ARG1: variants seen among roughly 807,000 people sequenced by gnomAD.
The protein encoded by ARG1 is arginase-1.
A neutral mutation model predicts 33.0 loss-of-function variants in ARG1; 20 were observed. The observed-to-expected ratio is 0.61, with a 90% confidence interval of 0.43 to 0.88. The LOEUF is 0.88. ARG1 is among the 40% of genes least tolerant of loss of function. The pLI, the probability that ARG1 is intolerant of heterozygous loss-of-function variation, is 0.00. For synonymous variants in ARG1, 146 were observed against 140.6 expected (o/e 1.04, Z -0.27); for missense variants, 374 against 384.7 (o/e 0.97, Z 0.23).
At chr6:131,583,039 A>G in intron 5 of ARG1, 21 bp from the exon 6 acceptor site, 1 of 1,543,672 alleles carries the variant, frequency 6.5e-7, no homozygotes, top group Non-Finnish European at 8.9e-7. Flanking sequence ...AATTATAATT[A>G]TCTTAATTTC....
chr6:131,584,234 G>T lies in ARG1; in HGVS notation c.*326G>T, dbSNP rs1039354514. The T allele has an allele frequency of 1.8e-5, 5 of 281,554 alleles. No homozygotes were observed. The highest frequency in any genetic ancestry group is 3.4e-5 in the Non-Finnish European group (5 of 147,740). 17.4% of individuals were successfully genotyped at this position (281,554 alleles called of 1,614,324 possible). The stretch of plus-strand genomic sequence containing the variant: ...CCCCCATACATAGAGTGGGACTCTT[G>T]GAATCAGGAGACAAAGCTACCACAT... On this transcript the variant is annotated 3_prime_UTR_variant, in exon 8 of 8. Coordinates refer to ENST00000368087, the MANE Select transcript of ARG1 (RefSeq NM_000045.4).
In ARG1 at chr6:131,582,733, T is replaced by C; in HGVS notation, c.560+18T>C. ...GGGGAACAGTAAGCTTATTCCTTGA[T>C]GTGATTTGCCTCCATTTTTGTCCCT... is the stretch of plus-strand genomic sequence containing the variant. On this transcript the variant is annotated intron_variant, in intron 5 of 7. Coordinates refer to ENST00000368087, the MANE Select transcript of ARG1 (RefSeq NM_000045.4). 1 of 1,610,268 alleles carries C rather than the reference T, an allele frequency of 6.2e-7. No individual in the cohort carries two copies. Among genetic ancestry groups the C allele is most frequent in the East Asian group, 2.2e-5 (1 of 44,832 alleles).
At position 131,574,995 on chromosome 6, in the gene ARG1, C is replaced by G. The variant is rs996087918; in HGVS notation, c.57+1656C>G. Among the ~76,000 whole-genome samples the G allele has an allele frequency of 5.8e-4, 89 of 152,148 alleles. 3 individuals are homozygous for G. On this transcript the variant is annotated intron_variant, in intron 1 of 7. Transcript: ENST00000368087. ...ATTCAACTCCAAAGGCGACCTTATACTTGTGGCCATTTAGGGATTGGGCCC... is the reference window on the plus strand; with the variant it reads ...ATTCAACTCCAAAGGCGACCTTATAGTTGTGGCCATTTAGGGATTGGGCCC...
At chr6:131,577,850 G>A (rs1773697212) in intron 2 of ARG1, among the ~76,000 whole-genome samples, 1 of 150,690 alleles carries the variant, frequency 6.6e-6, no homozygotes, top group South Asian at 2.1e-4. Flanking sequence ...GTTGCAGTGA[G>A]CTGAGATTGC....
chr6:131,581,687 A>G (rs946397414), intron 4 of ARG1, among the ~76,000 whole-genome samples: 20 of 152,230 alleles, frequency 1.3e-4, no homozygotes, highest in African/African-American at 4.8e-4. Context: ...CCCAAGATAT[A>G]TGCCAAGCCT....
chr6:131,583,991 C>T lies in ARG1; in HGVS notation c.*83C>T. ...TTTTCTTAAGCATAGAGTTATCCTTCTAAAGACTTGTTCTTTCAGAAAAAT... is the reference window on the plus strand; with the variant it reads ...TTTTCTTAAGCATAGAGTTATCCTTTTAAAGACTTGTTCTTTCAGAAAAAT... On this transcript the variant is annotated 3_prime_UTR_variant, in exon 8 of 8. Coordinates refer to ENST00000368087, the MANE Select transcript of ARG1 (RefSeq NM_000045.4). 2 of 1,474,338 alleles carry T rather than the reference C, an allele frequency of 1.4e-6. No individual in the cohort carries two copies. The highest frequency in any genetic ancestry group is 1.9e-6 in the Non-Finnish European group (2 of 1,067,352). 91.3% of individuals were successfully genotyped at this position (1,474,338 alleles called of 1,614,324 possible).
At chr6:131,581,553 C>T (rs1286417309) in intron 4 of ARG1, among the ~76,000 whole-genome samples, 175 bp downstream of exon 4, 1 of 152,242 alleles carries the variant, frequency 6.6e-6, no homozygotes, top group East Asian at 1.9e-4. Flanking sequence ...CTCTCTATCT[C>T]TGCCTTGCAA....
At chr6:131,583,308 G>A in intron 6 of ARG1, 47 bp from the exon 7 acceptor site, 2 of 1,613,108 alleles carry the variant, frequency 1.2e-6, no homozygotes, top group African/African-American at 1.3e-5. Flanking sequence ...TCTATGAAAT[G>A]TGAAGCCATC....
intron 2 of ARG1, 126 bp downstream of exon 2, chr6:131,576,861 G>A (rs1170881127): frequency 1.5e-5 from 12 of 804,076 alleles, no homozygotes; most frequent in South Asian, 4.4e-5. Flanking sequence ...GTTACAACCC[G>A]AGAAACACAT....
intron 3 of ARG1, chr6:131,579,609 C>T (rs538717210): frequency 3.1e-5 from 7 of 226,322 alleles, no homozygotes; most frequent in East Asian, 1.2e-4. Context: ...TCTTAATTGC[C>T]GATAATATAT....
intron 2 of ARG1, 99 bp from the exon 3 acceptor site, chr6:131,579,012 T>A: frequency 7.3e-7 from 1 of 1,378,652 alleles, no homozygotes; most frequent in Admixed American, 2.0e-5. Context: ...TTGCTTATAC[T>A]TGTGAATATA....
chr6:131,581,087 C>T (rs1002373049), intron 3 of ARG1, 132 bp from the exon 4 acceptor site: 2 of 862,766 alleles, frequency 2.3e-6, no homozygotes, highest in Non-Finnish European at 3.8e-6. Flanking sequence ...TTGGCATCTC[C>T]AATTCAGAAC....
At chr6:131,580,850 T>C (rs961032817) in intron 3 of ARG1, among the ~76,000 whole-genome samples, 15 of 152,216 alleles carry the variant, frequency 9.9e-5, no homozygotes, top group African/African-American at 3.6e-4. Context: ...CAGAAAATGA[T>C]CCAAATTTAA....
rs148113697 is a variant in ARG1, at chr6:131,583,846, T to G, written c.907T>G (p.Cys303Gly). 11 of 1,614,142 alleles carry G rather than the reference T, an allele frequency of 6.8e-6. No individual in the cohort carries two copies. In the African/African-American group the frequency reaches 1.5e-4, roughly 22 times the overall value. Residue 303 changes from cysteine (C) to glycine (G), a missense_variant, in exon 8 of 8, where the codon TGT (cysteine) becomes GGT (glycine). Transcript: ENST00000368087. ...CACAGCAGTTGCAATAACCTTGGCT[T>G]GTTTCGGACTTGCTCGGGAGGGTAA... ...VNTAVAITLA[C>G]FGLAREGNHK...
chr6:131,583,433 CGTG>C lies in ARG1; in HGVS notation c.746_748del (p.Val249del). ...TCACACCAGCTACTGGCACACCAGTCGTGGGAGGTCTGACATACAGAGAAGGTC... is the reference window on the plus strand; with the variant it reads ...TCACACCAGCTACTGGCACACCAGTCGGAGGTCTGACATACAGAGAAGGTC... On this transcript the variant is annotated inframe_deletion, in exon 7 of 8. Coordinates refer to ENST00000368087, the MANE Select transcript of ARG1 (RefSeq NM_000045.4). The C allele has an allele frequency of 6.2e-7, 1 of 1,614,078 alleles. No individual in the cohort carries two copies. Among genetic ancestry groups the C allele is most frequent in the Non-Finnish European group, 8.5e-7 (1 of 1,179,978 alleles).
chr6:131,583,637 G>T lies in ARG1; in HGVS notation c.803-105G>T, dbSNP rs770684425. 4.6e-6 allele frequency: 7 copies of T among 1,517,788 alleles called. No homozygotes were observed. The African/African-American group carries it at 8.4e-5, about 18-fold the overall frequency. The allele number at this position is 1,517,788 out of a possible 1,614,324, so 94.0% of individuals were successfully genotyped here. On this transcript the variant is annotated intron_variant, in intron 7 of 7. Transcript: ENST00000368087. ...TGCAATAACTAAAGTGTTTTCCATCGGTTACTACCTTTTTCTGTTAGTGGA... is the reference window on the plus strand; with the variant it reads ...TGCAATAACTAAAGTGTTTTCCATCTGTTACTACCTTTTTCTGTTAGTGGA...
intron 3 of ARG1, 142 bp downstream of exon 3, chr6:131,579,427 A>T: frequency 2.2e-6 from 2 of 894,172 alleles, no homozygotes; most frequent in Non-Finnish European, 3.3e-6. Flanking sequence ...AAAAAATTTT[A>T]TAGGTTACTT....
chr6:131,583,847 G>C lies in ARG1; in HGVS notation c.908G>C (p.Cys303Ser). 2 of 1,614,118 alleles carry C rather than the reference G, an allele frequency of 1.2e-6. No individual in the cohort carries two copies. Among genetic ancestry groups the C allele is most frequent in the Non-Finnish European group, 1.7e-6 (2 of 1,179,986 alleles). Residue 303 changes from cysteine (C) to serine (S), a missense_variant, in exon 8 of 8, where the codon TGT (cysteine) becomes TCT (serine). Physicochemically the swap from Cys to Ser is moderately radical, Grantham distance 112. Coordinates refer to ENST00000368087, the MANE Select transcript of ARG1 (RefSeq NM_000045.4). ...ACAGCAGTTGCAATAACCTTGGCTT[G>C]TTTCGGACTTGCTCGGGAGGGTAAT... Reference protein sequence around the residue: ...VNTAVAITLACFGLAREGNHK... With the variant: ...VNTAVAITLASFGLAREGNHK...
Position 131,579,095 on chromosome 6 carries a change from A to T in ARG1, c.131-16A>T. The T allele has an allele frequency of 6.2e-7, 1 of 1,613,956 alleles. No individual in the cohort carries two copies. The highest frequency in any genetic ancestry group is 1.1e-5 in the South Asian group (1 of 91,050). On this transcript the variant is annotated splice_polypyrimidine_tract_variant and intron_variant, in intron 2 of 7. Transcript: ENST00000368087. ...TCTACTTTTTAATTTAGTAACTCAA[A>T]ACTTTTTAATTTTAGAGTGTGATGT...
Sources: allele counts gnomAD v4.1 joint callset (sites outside exome capture counted in the v4.1 genomes callset), GRCh38; gene constraint gnomAD v4.1.1; transcripts MANE v1.5; gene names NCBI Gene and HGNC (gene_info 2026-07-23, HGNC 2026-07-21).